FRRS1L: variants seen among roughly 807,000 people sequenced by gnomAD.
FRRS1L encodes ferric chelate reductase 1 like.
FRRS1L carries 22 observed loss-of-function variants against 28.6 expected under a neutral mutation model. The observed-to-expected ratio is 0.77, with a 90% CI of 0.55 to 1.10. FRRS1L has a LOEUF of 1.10. Ranked by LOEUF, FRRS1L falls within the 50% of genes least tolerant of loss-of-function variation. The pLI is 0.00. For missense variants in FRRS1L, 380 were observed against 386.9 expected (o/e 0.98, Z 0.15); for synonymous variants, 158 against 151.4 (o/e 1.04, Z -0.32).
chr9:109,131,101 T>C lies in FRRS1L; in HGVS notation c.*6354A>G, dbSNP rs192286608. The C allele has an allele frequency of 2.6e-4, 40 of 152,304 alleles. No individual in the cohort carries two copies. Among genetic ancestry groups the C allele is most frequent in the African/African-American group, 8.9e-4 (37 of 41,568 alleles). The allele number at this position is 152,304 out of a possible 1,614,324, so 9.4% of individuals were successfully genotyped here. A position where few individuals can be genotyped will look rare whatever the true frequency, so the allele number is the denominator to read the frequency against. The stretch of plus-strand genomic sequence containing the variant: ...TTATATGCAAGTCTTTTATTAAATA[T>C]AAAAACAAAGAAATCTACCTTGAAA... On this transcript the variant is annotated 3_prime_UTR_variant, in exon 5 of 5. Transcript: ENST00000561981.
rs1831566176 is a variant in FRRS1L, at chr9:109,167,153, C to T, written c.-15G>A. The T allele has an allele frequency of 8.7e-7, 1 of 1,143,220 alleles. No homozygotes were observed. The highest frequency in any genetic ancestry group is 1.1e-6 in the Non-Finnish European group (1 of 935,518). 70.8% of individuals were successfully genotyped at this position (1,143,220 alleles called of 1,614,324 possible). A position where few individuals can be genotyped will look rare whatever the true frequency, so the allele number is the denominator to read the frequency against. The stretch of plus-strand genomic sequence containing the variant: ...GGCCGCGCCATCCGTGCGCACAGAT[C>T]CCGCAGCCAGGCCGCTCGGGCCGCA... On this transcript the variant is annotated 5_prime_UTR_variant, in exon 1 of 5. Transcript: ENST00000561981.
intron 3 of FRRS1L, among the ~76,000 whole-genome samples, chr9:109,144,385 T>G (rs2118475664): frequency 6.6e-6 from 1 of 152,242 alleles, no homozygotes; most frequent in East Asian, 1.9e-4. Context: ...CTTTTTTTCT[T>G]TTTTTGAGAC....
At chr9:109,153,143 G>A (rs146230367) in intron 1 of FRRS1L, among the ~76,000 whole-genome samples, 1 of 152,254 alleles carries the variant, frequency 6.6e-6, no homozygotes, top group Non-Finnish European at 1.5e-5. Flanking sequence ...CCCAAGTAAT[G>A]GGAGTGTTTT....
At chr9:109,149,485 C>T (rs1034993808) in intron 2 of FRRS1L, 151 bp downstream of exon 2, 7 of 580,978 alleles carry the variant, frequency 1.2e-5, no homozygotes, top group Admixed American at 3.2e-5. Flanking sequence ...GACTGAAAAG[C>T]GGGATGGCCG....
At chr9:109,160,238 C>A (rs943785565) in intron 1 of FRRS1L, among the ~76,000 whole-genome samples, 5 of 152,252 alleles carry the variant, frequency 3.3e-5, no homozygotes, top group Admixed American at 2.0e-4. Context: ...ATTCCACAAG[C>A]AAATCAATTC....
intron 1 of FRRS1L, 113 bp from the exon 2 acceptor site, chr9:109,149,833 A>G (rs1831309646): frequency 1.3e-6 from 1 of 741,670 alleles, no homozygotes; most frequent in Non-Finnish European, 2.3e-6. Flanking sequence ...ATGTTTGGGG[A>G]CTCAGAAAAT....
chr9:109,143,499 C>A (rs72761809), intron 3 of FRRS1L, among the ~76,000 whole-genome samples: 69 of 147,014 alleles, frequency 4.7e-4, no homozygotes, highest in Non-Finnish European at 4.4e-4. Flanking sequence ...CACACACACA[C>A]GCACACAATA....
chr9:109,159,673 C>CA (rs1333125005), intron 1 of FRRS1L, among the ~76,000 whole-genome samples: 2 of 151,952 alleles, frequency 1.3e-5, no homozygotes, highest in South Asian at 2.1e-4. Flanking sequence ...CAACAACAAC[C>CA]AAAAAAACAT....
In FRRS1L at chr9:109,141,566, G is replaced by A. The variant is rs779716535; in HGVS notation, c.486C>T (p.Cys162=). The part of the protein sequence containing the change: ...KKMGGDDVMA[C]VHDDNGRVRI... ...GGACCCTGCCATTGTCATCATGGAC[G>A]CAGGCCATGACATCATCACCACCCT... The change falls in exon 4 of 5, where the codon TGC becomes TGT. Residue 162 remains cysteine, a synonymous_variant. Transcript: ENST00000561981. 2.2e-5 allele frequency: 36 copies of A among 1,613,252 alleles called. 1 individual carries two copies. Among genetic ancestry groups the A allele is most frequent in the South Asian group, 1.4e-4 (13 of 91,068 alleles).
In FRRS1L at chr9:109,131,539, C is replaced by T. The variant is rs1485149708; in HGVS notation, c.*5916G>A. 1 of 152,206 alleles carries T rather than the reference C, an allele frequency of 6.6e-6. No homozygotes were observed. The highest frequency in any genetic ancestry group is 6.5e-5 in the Admixed American group (1 of 15,286). 9.4% of individuals were successfully genotyped at this position (152,206 alleles called of 1,614,324 possible). A position where few individuals can be genotyped will look rare whatever the true frequency, so the allele number is the denominator to read the frequency against. On this transcript the variant is annotated 3_prime_UTR_variant, in exon 5 of 5. Coordinates refer to ENST00000561981, the MANE Select transcript of FRRS1L (RefSeq NM_014334.4). ...ACACCATCATGTATGTACAAATATA[C>T]ACATGCTCCTCAAGTTACAAGAGGG...
intron 3 of FRRS1L, among the ~76,000 whole-genome samples, chr9:109,142,423 T>C (rs1564229533): frequency 6.6e-6 from 1 of 152,182 alleles, no homozygotes; most frequent in Non-Finnish European, 1.5e-5. Flanking sequence ...ATGTGGTTGA[T>C]ACCACTGCAT....
chr9:109,155,703 C>CTAAAA (rs1831395348), intron 1 of FRRS1L, among the ~76,000 whole-genome samples: 1 of 81,040 alleles, frequency 1.2e-5, no homozygotes, highest in Non-Finnish European at 2.4e-5. Context: ...GACTCCATCT[C>CTAAAA]AAAAAAAAAA....
At position 109,130,755 on chromosome 9, in the gene FRRS1L, C is replaced by A. The variant is rs1343596765; in HGVS notation, c.*6700G>T. 6.6e-6 allele frequency: 1 copy of A among 152,200 alleles called. No individual in the cohort carries two copies. The highest frequency in any genetic ancestry group is 2.4e-5 in the African/African-American group (1 of 41,454). The allele number at this position is 152,200 out of a possible 1,614,324, so 9.4% of individuals were successfully genotyped here. A position where few individuals can be genotyped will look rare whatever the true frequency, so the allele number is the denominator to read the frequency against. ...TATCAGCATGTCTGTGGAAATAAGGCATCCGGAGAAGCTGCATTCACTCTT... is the reference window on the plus strand; with the variant it reads ...TATCAGCATGTCTGTGGAAATAAGGAATCCGGAGAAGCTGCATTCACTCTT... On this transcript the variant is annotated 3_prime_UTR_variant, in exon 5 of 5. Transcript: ENST00000561981.
intron 3 of FRRS1L, among the ~76,000 whole-genome samples, chr9:109,145,191 G>A (rs768327787): frequency 5.3e-5 from 8 of 152,188 alleles, no homozygotes; most frequent in African/African-American, 2.4e-5. Context: ...GGGCTCCAGA[G>A]GAAAGAGAGA....
intron 1 of FRRS1L, among the ~76,000 whole-genome samples, chr9:109,157,643 T>A (rs1243505845): frequency 6.6e-6 from 1 of 152,204 alleles, no homozygotes; most frequent in Non-Finnish European, 1.5e-5. Context: ...TCTCCCTATA[T>A]CTTTTATTTT....
intron 1 of FRRS1L, chr9:109,149,927 G>C (rs1054639421): frequency 3.8e-6 from 2 of 529,180 alleles, no homozygotes; most frequent in South Asian, 4.7e-5. Flanking sequence ...TGTGAACTGA[G>C]AGTAGGTGTG....
chr9:109,162,077 G>A (rs1310025192), intron 1 of FRRS1L, among the ~76,000 whole-genome samples: 2 of 152,112 alleles, frequency 1.3e-5, no homozygotes, highest in South Asian at 4.1e-4. Context: ...GCACTTTGGG[G>A]GGCCAAGGCA....
chr9:109,141,616 A>G (rs769597969), intron 3 of FRRS1L, 27 bp from the exon 4 acceptor site: 2 of 1,596,798 alleles, frequency 1.3e-6, no homozygotes, highest in South Asian at 1.1e-5. Flanking sequence ...TTGAGAAAAA[A>G]AAAAGTCAAA....
At chr9:109,142,430 G>A (rs926345973) in intron 3 of FRRS1L, among the ~76,000 whole-genome samples, 2 of 152,132 alleles carry the variant, frequency 1.3e-5, no homozygotes, top group Non-Finnish European at 2.9e-5. Context: ...TGATACCACT[G>A]CATTGACACT....
Sources: allele counts gnomAD v4.1 joint callset (sites outside exome capture counted in the v4.1 genomes callset), GRCh38; gene constraint gnomAD v4.1.1; transcripts MANE v1.5; gene names NCBI Gene and HGNC (gene_info 2026-07-23, HGNC 2026-07-21).